The following RANBP2 variants were observed in gnomAD, a reference collection of about 807,000 sequenced individuals.
RANBP2 encodes RAN binding protein 2, also known as E3 SUMO-protein ligase RanBP2.
In RANBP2, 57 loss-of-function variants were observed where a neutral mutation model predicts 303.6. That is an observed-to-expected ratio of 0.19 (90% confidence interval 0.15 to 0.23). The LOEUF is 0.23. Among genes scored for constraint, RANBP2 ranks in the 10% least tolerant of loss-of-function variants. The probability of loss-of-function intolerance (pLI) is 1.00; values close to 1 mark genes in which losing one functional copy is unlikely to be tolerated. For synonymous variants in RANBP2, 1,167 were observed against 1,301.5 expected, an observed-to-expected ratio of 0.90 and a Z score of 2.23; for missense variants, 3,138 against 3,780.8, an observed-to-expected ratio of 0.83 and a Z score of 4.46.
rs373103556 is a variant in RANBP2 at position 108,748,912 on chromosome 2, T to G, written c.1064-8T>G. On this transcript the variant is annotated splice_polypyrimidine_tract_variant and splice_region_variant and intron_variant, in intron 8 of 28. Transcript: ENST00000283195. ...AAGTGATGGAAATAACTTAAATTTTTTTTTCAGGGCACATGTTGCTAAACT... is the reference window on the plus strand; with the variant it reads ...AAGTGATGGAAATAACTTAAATTTTGTTTTCAGGGCACATGTTGCTAAACT... 3.7e-6 allele frequency: 6 copies of G among 1,611,984 alleles called. No homozygotes were observed. The highest frequency in any genetic ancestry group is 5.1e-6 in the Non-Finnish European group (6 of 1,179,842).
At chr2:109,629,355 A>ATTTT in the RANBP2 span, among the ~76,000 whole-genome samples, 7 of 15,356 alleles carry the variant, frequency 4.6e-4, no homozygotes, top group East Asian at 4.5e-3. Context: ...ATATATATAT[A>ATTTT]TTTTTTTTTT....
the RANBP2 span, among the ~76,000 whole-genome samples, chr2:109,453,750 G>A: frequency 6.6e-6 from 1 of 152,246 alleles, no homozygotes; most frequent in Non-Finnish European, 1.5e-5. Flanking sequence ...GTAAACAGGC[G>A]ATTGATTGCA....
At chr2:109,242,067 G>A in the RANBP2 span, among the ~76,000 whole-genome samples, 1 of 151,334 alleles carries the variant, frequency 6.6e-6, no homozygotes, top group Non-Finnish European at 1.5e-5. Flanking sequence ...GGTGTAGACG[G>A]GGGTGTCATA....
chr2:109,477,925 T>C, the RANBP2 span, among the ~76,000 whole-genome samples: 2 of 152,202 alleles, frequency 1.3e-5, no homozygotes, highest in African/African-American at 4.8e-5. Flanking sequence ...ACCCTTGGCA[T>C]GGACCTGCAG....
chr2:109,267,684 C>A, the RANBP2 span, among the ~76,000 whole-genome samples: 12 of 152,316 alleles, frequency 7.9e-5, no homozygotes, highest in Non-Finnish European at 1.3e-4. Flanking sequence ...GGAGCCCCAC[C>A]CGTGATCCCC....
the RANBP2 span, among the ~76,000 whole-genome samples, chr2:109,751,536 A>G: frequency 7.0e-6 from 1 of 143,806 alleles, no homozygotes; most frequent in African/African-American, 2.6e-5. Context: ...TCCAGGGGAC[A>G]GAATCTGGGG....
chr2:109,323,023 A>G, the RANBP2 span, among the ~76,000 whole-genome samples: 1,247 of 152,252 alleles, frequency 8.2e-3, 26 homozygotes, highest in African/African-American at 0.029. Context: ...ATTTTCTTAT[A>G]CCCCTAGGTG....
chr2:109,052,679 T>C, the RANBP2 span, among the ~76,000 whole-genome samples: 1 of 152,182 alleles, frequency 6.6e-6, no homozygotes, highest in South Asian at 2.1e-4. Flanking sequence ...TTTGTATTTT[T>C]AGTAGAGACG....
chr2:108,832,676 A>C, the RANBP2 span, among the ~76,000 whole-genome samples: 1 of 152,208 alleles, frequency 6.6e-6, no homozygotes, highest in African/African-American at 2.4e-5. Flanking sequence ...TTATATCCTA[A>C]GATAAGAAAA....
the RANBP2 span, among the ~76,000 whole-genome samples, chr2:109,540,882 G>A: frequency 8.0e-5 from 12 of 150,260 alleles, 2 homozygotes; most frequent in African/African-American, 2.5e-5. Context: ...AACCTTTCTC[G>A]TCTATAAAGA....
chr2:108,894,547 CAATT>C, the RANBP2 span: 1 of 152,406 alleles, frequency 6.6e-6, no homozygotes, highest in African/African-American at 2.4e-5. Context: ...ATAATATTGA[CAATT>C]AAGACTTCAC....
the RANBP2 span, among the ~76,000 whole-genome samples, chr2:109,187,075 T>C: frequency 6.7e-6 from 1 of 149,958 alleles, no homozygotes; most frequent in East Asian, 2.1e-4. Context: ...CATTTAAGCA[T>C]ATTTTGCTAG....
At chr2:109,182,591 T>A in the RANBP2 span, among the ~76,000 whole-genome samples, 3 of 152,214 alleles carry the variant, frequency 2.0e-5, no homozygotes, top group Non-Finnish European at 4.4e-5. Context: ...TTGCATTAAT[T>A]GCAAGAATGA....
chr2:109,533,326 C>T, the RANBP2 span, among the ~76,000 whole-genome samples: 1 of 152,194 alleles, frequency 6.6e-6, no homozygotes, highest in African/African-American at 2.4e-5. Context: ...AACAGCAGGA[C>T]GTCTGTTTAT....
the RANBP2 span, chr2:109,419,761 T>C: frequency 3.2e-5 from 29 of 893,976 alleles, no homozygotes; most frequent in African/African-American, 4.7e-4. Flanking sequence ...TTGGCCAGTA[T>C]AGTTATGTGC....
the RANBP2 span, among the ~76,000 whole-genome samples, chr2:109,359,741 G>A: frequency 6.6e-6 from 1 of 152,108 alleles, no homozygotes; most frequent in Admixed American, 6.5e-5. Flanking sequence ...TAGTCAAAAT[G>A]AAGGCACACA....
At chr2:109,251,436 C>T in the RANBP2 span, 3 of 714,108 alleles carry the variant, frequency 4.2e-6, no homozygotes, top group Non-Finnish European at 7.9e-6. Context: ...GCAAAGCTCA[C>T]CCTCCCGAGT....
the RANBP2 span, chr2:109,592,906 A>G: frequency 2.3e-6 from 1 of 442,252 alleles, no homozygotes; most frequent in Non-Finnish European, 4.0e-6. Context: ...TTTTCACTTG[A>G]ATCAACAGAA....
the RANBP2 span, among the ~76,000 whole-genome samples, chr2:109,134,748 C>A: frequency 6.6e-6 from 1 of 152,276 alleles, no homozygotes; most frequent in South Asian, 2.1e-4. Context: ...TCGTTGGTAG[C>A]ACGATTCTAA....
Sources: gnomAD v4.1 joint callset for allele counts (sites outside exome capture counted in the v4.1 genomes callset) on GRCh38, gnomAD v4.1.1 for gene constraint, MANE v1.5 for transcripts, NCBI Gene and HGNC (gene_info 2026-07-23, HGNC 2026-07-21) for gene names.